Variants in RAP1GDS1 observed in about 807,000 individuals in gnomAD.
RAP1GDS1 encodes the protein RAP1, GTP-GDP dissociation stimulator 1.
RAP1GDS1 carries 35 observed loss-of-function variants against 71.1 expected under a neutral mutation model. The ratio of observed to expected loss-of-function variants is 0.49; its 90% CI spans 0.38 to 0.65. The LOEUF (loss-of-function observed/expected upper bound fraction) is 0.65. Among genes scored for constraint, RAP1GDS1 ranks in the 30% least tolerant of loss-of-function variants. The pLI, the probability that RAP1GDS1 is intolerant of heterozygous loss-of-function variation, is 0.00. For synonymous variants in RAP1GDS1, 229 were observed against 243.1 expected, an observed-to-expected ratio of 0.94 and a Z score of 0.54; for missense variants, 663 against 706.1, an observed-to-expected ratio of 0.94 and a Z score of 0.69.
chr4:98,428,554 C>G (rs1385604979), intron 12 of RAP1GDS1, among the ~76,000 whole-genome samples: 1 of 152,068 alleles, frequency 6.6e-6, no homozygotes, highest in Non-Finnish European at 1.5e-5. Flanking sequence ...CATGAATAGA[C>G]AGTAATGAAG....
At chr4:98,378,632 A>C (rs376976297) in intron 4 of RAP1GDS1, among the ~76,000 whole-genome samples, 14 of 148,890 alleles carry the variant, frequency 9.4e-5, no homozygotes, top group African/African-American at 3.3e-4. Context: ...GATTTTTTCA[A>C]CCTGAGGGAC....
intron 2 of RAP1GDS1, among the ~76,000 whole-genome samples, chr4:98,328,363 T>G (rs1733454717): frequency 6.6e-6 from 1 of 152,224 alleles, no homozygotes; most frequent in South Asian, 2.1e-4. Flanking sequence ...TATATAAAAG[T>G]CTTGTTCCAA....
chr4:98,417,304 A>G, intron 8 of RAP1GDS1, 63 bp from the exon 9 acceptor site: 1 of 1,506,146 alleles, frequency 6.6e-7, no homozygotes, highest in African/African-American at 1.4e-5. Context: ...TCACCTAAGA[A>G]TGTGAATTTG....
chr4:98,404,478 G>C lies in RAP1GDS1; in HGVS notation c.639G>C (p.Glu213Asp). 1.3e-6 allele frequency: 2 copies of C among 1,585,594 alleles called. No homozygotes were observed. The highest frequency in any genetic ancestry group is 1.7e-6 in the Non-Finnish European group (2 of 1,171,732). Residue 213 changes from glutamate (E) to aspartate (D), a missense_variant and splice_region_variant, in exon 7 of 15, where the codon GAG (glutamate) becomes GAC (aspartate). Coordinates refer to ENST00000408927, the MANE Select transcript of RAP1GDS1 (RefSeq NM_001100427.2). Reference sequence around the variant, plus strand: ...AAGTTTTTCTTTTTTATTTTACAGAGTCAAGTAAAGAACAGTTTGCCAGTA... The same window carrying C: ...AAGTTTTTCTTTTTTATTTTACAGACTCAAGTAAAGAACAGTTTGCCAGTA... Reference protein sequence around the residue: ...LVAFGNLAELESSKEQFASTN... With the variant: ...LVAFGNLAELDSSKEQFASTN...
At chr4:98,420,269 T>G in intron 11 of RAP1GDS1, 125 bp downstream of exon 11, 1 of 988,222 alleles carries the variant, frequency 1.0e-6, no homozygotes, top group East Asian at 3.6e-5. Flanking sequence ...AATAAAAGAT[T>G]TAAAAGTTGG....
chr4:98,416,668 T>G, intron 7 of RAP1GDS1, 77 bp from the exon 8 acceptor site: 1 of 1,371,226 alleles, frequency 7.3e-7, no homozygotes, highest in Admixed American at 2.3e-5. Context: ...TTCTTATAAT[T>G]CTTTATAATG....
chr4:98,266,029 G>T (rs561262315), intron 1 of RAP1GDS1, among the ~76,000 whole-genome samples: 9 of 151,960 alleles, frequency 5.9e-5, no homozygotes, highest in South Asian at 4.2e-4. Flanking sequence ...AGAAAACATA[G>T]ATTTTTAAAA....
chr4:98,442,104 C>T lies in RAP1GDS1; in HGVS notation c.1811C>T (p.Thr604Ile), dbSNP rs199497536. 1.1e-5 allele frequency: 18 copies of T among 1,613,318 alleles called. No individual in the cohort carries two copies. The highest frequency in any genetic ancestry group is 1.5e-5 in the Non-Finnish European group (18 of 1,179,946). ...GCCTCTCTCACAGAGCAGAGACTTA[C>T]TGTGGAAAGCTGAGAACTGCCCGAT... is the stretch of plus-strand genomic sequence containing the variant. Reference protein sequence around the residue: ...QQASLTEQRLTVES With the variant: ...QQASLTEQRLIVES Residue 604 changes from threonine (T) to isoleucine (I), a missense_variant, in exon 15 of 15, where the codon ACT (threonine) becomes ATT (isoleucine). By Grantham distance (89) the Thr-to-Ile change is moderately conservative. Coordinates refer to ENST00000408927, the MANE Select transcript of RAP1GDS1 (RefSeq NM_001100427.2).
At chr4:98,306,236 A>G (rs1395745651) in intron 2 of RAP1GDS1, among the ~76,000 whole-genome samples, 1 of 152,174 alleles carries the variant, frequency 6.6e-6, no homozygotes, top group African/African-American at 2.4e-5. Flanking sequence ...TACAAATAGT[A>G]GAGATTTATA....
At chr4:98,355,435 T>G (rs1177584711) in intron 4 of RAP1GDS1, among the ~76,000 whole-genome samples, 2 of 152,198 alleles carry the variant, frequency 1.3e-5, no homozygotes, top group African/African-American at 4.8e-5. Context: ...ATAGGTTTAT[T>G]CAGGATGATA....
intron 4 of RAP1GDS1, among the ~76,000 whole-genome samples, chr4:98,359,329 A>ATT (rs1319570889): frequency 2.6e-5 from 4 of 152,190 alleles, no homozygotes; most frequent in Admixed American, 2.6e-4. Context: ...GAACTCAAGT[A>ATT]AACAGGTTGA....
rs531603324 is a variant in RAP1GDS1, at chr4:98,395,972, T to C, written c.637+3892T>C. 3.4e-4 allele frequency: 53 copies of C among 157,660 alleles called. No homozygotes were observed. In the South Asian group the frequency reaches 1.0e-2, roughly 30 times the overall value. 9.8% of individuals were successfully genotyped at this position (157,660 alleles called of 1,614,324 possible). A position where few individuals can be genotyped will look rare whatever the true frequency, so the allele number is the denominator to read the frequency against. On this transcript the variant is annotated intron_variant, in intron 6 of 14. Transcript: ENST00000408927. ...CAGGAAGTGTGGTGCCTGCATCTGC[T>C]TCTGGTGAGGGACTCAGGAAGCTTA...
chr4:98,398,385 A>G (rs1184204538), intron 6 of RAP1GDS1, among the ~76,000 whole-genome samples: 1 of 152,204 alleles, frequency 6.6e-6, no homozygotes, highest in African/African-American at 2.4e-5. Context: ...TAAATGTCCT[A>G]AGGAATGAAA....
At chr4:98,392,249 T>A in intron 6 of RAP1GDS1, 169 bp downstream of exon 6, 1 of 595,824 alleles carries the variant, frequency 1.7e-6, no homozygotes, top group Non-Finnish European at 2.7e-6. Context: ...CAATTAGATC[T>A]TATGATTGCA....
At chr4:98,354,105 G>T (rs1273051657) in intron 4 of RAP1GDS1, among the ~76,000 whole-genome samples, 2 of 149,776 alleles carry the variant, frequency 1.3e-5, no homozygotes, top group Non-Finnish European at 3.0e-5. Context: ...GCCCAGGCCG[G>T]ACTGCGGACT....
intron 11 of RAP1GDS1, 38 bp from the exon 12 acceptor site, chr4:98,421,217 T>C: frequency 1.9e-6 from 3 of 1,555,366 alleles, no homozygotes; most frequent in Non-Finnish European, 2.6e-6. Flanking sequence ...TGATTGTCTG[T>C]TAGTGATTCA....
At chr4:98,287,987 A>G (rs2110268356) in intron 1 of RAP1GDS1, among the ~76,000 whole-genome samples, 1 of 152,278 alleles carries the variant, frequency 6.6e-6, no homozygotes, top group East Asian at 1.9e-4. Flanking sequence ...GTAGTGATAA[A>G]TGATTAAACT....
chr4:98,335,461 G>A (rs775498413), intron 2 of RAP1GDS1, among the ~76,000 whole-genome samples: 3 of 151,926 alleles, frequency 2.0e-5, no homozygotes, highest in Non-Finnish European at 2.9e-5. Flanking sequence ...CTCTATTAGG[G>A]TTGTTTGTTT....
chr4:98,265,364 C>T (rs1722585104), intron 1 of RAP1GDS1, among the ~76,000 whole-genome samples: 1 of 152,096 alleles, frequency 6.6e-6, no homozygotes, highest in Admixed American at 6.6e-5. Flanking sequence ...GGACCTATTG[C>T]ATTAGACTTT....
Sources: allele counts gnomAD v4.1 joint callset (sites outside exome capture counted in the v4.1 genomes callset), GRCh38; gene constraint gnomAD v4.1.1; transcripts MANE v1.5; gene names NCBI Gene and HGNC (gene_info 2026-07-23, HGNC 2026-07-21).